Variants in FRMPD1 observed in about 807,000 individuals in gnomAD.
FRMPD1 encodes the protein FERM and PDZ domain containing 1, also known as FERM and PDZ domain-containing protein 1.
A neutral mutation model predicts 117.8 loss-of-function variants in FRMPD1; 76 were observed. That is an observed-to-expected ratio of 0.65 (90% CI 0.54 to 0.78). FRMPD1 has a LOEUF of 0.78. FRMPD1 is among the 30% of genes least tolerant of loss of function. The probability of loss-of-function intolerance (pLI) is 0.00; values close to 1 mark genes in which losing one functional copy is unlikely to be tolerated. For missense variants in FRMPD1, 1,786 were observed against 1,964.5 expected (o/e 0.91, Z 1.72); for synonymous variants, 783 against 770.4 (o/e 1.02, Z -0.27).
intron 1 of FRMPD1, among the ~76,000 whole-genome samples, chr9:37,684,687 G>GT: frequency 6.6e-6 from 1 of 152,256 alleles, no homozygotes; most frequent in South Asian, 2.1e-4. Context: ...TGGGACCAAG[G>GT]TCAACAGAAT....
chr9:37,641,679 C>T, the FRMPD1 span, among the ~76,000 whole-genome samples: 1 of 152,296 alleles, frequency 6.6e-6, no homozygotes, highest in Non-Finnish European at 1.5e-5. Context: ...CCCTCCCTCT[C>T]CCTATCCTAC....
intron 5 of FRMPD1, among the ~76,000 whole-genome samples, chr9:37,717,051 C>T (rs960315667): frequency 1.3e-5 from 2 of 152,054 alleles, no homozygotes; most frequent in Admixed American, 1.3e-4. Flanking sequence ...TTTATGAATC[C>T]ACCTAATGGC....
At chr9:37,678,217 T>C (rs1454706982) in intron 1 of FRMPD1, among the ~76,000 whole-genome samples, 2 of 150,416 alleles carry the variant, frequency 1.3e-5, no homozygotes, top group Admixed American at 1.3e-4. Context: ...GCATCGATGC[T>C]GATTCTATCT....
rs559781373 is a variant in FRMPD1 at position 37,744,474 on chromosome 9, T to C, written c.2442T>C (p.Pro814=). The C allele has an allele frequency of 6.2e-7, 1 of 1,614,122 alleles. No homozygotes were observed. The highest frequency in any genetic ancestry group is 1.3e-5 in the African/African-American group (1 of 75,018). The change falls in exon 16 of 16, where the codon CCT becomes CCC. Residue 814 remains proline, a synonymous_variant. Coordinates refer to ENST00000377765, the MANE Select transcript of FRMPD1 (RefSeq NM_014907.3). ...CTTCTAGCCCTGAGAACAGCCTGCC[T>C]TGTGGGCCAGATGGAAGACAGCCAA... ...ASTSSPENSL[P]CGPDGRQPSR... is the part of the protein sequence containing the mutation.
intron 1 of FRMPD1, among the ~76,000 whole-genome samples, chr9:37,683,580 A>G (rs1228685256): frequency 6.6e-6 from 1 of 152,254 alleles, no homozygotes; most frequent in East Asian, 1.9e-4. Context: ...GCAAAGGAAC[A>G]GTATCTGCAG....
chr9:37,710,738 G>A (rs1230979862), intron 4 of FRMPD1, among the ~76,000 whole-genome samples: 1 of 151,994 alleles, frequency 6.6e-6, no homozygotes, highest in Non-Finnish European at 1.5e-5. Flanking sequence ...AGGCCGAGGT[G>A]GGCAGATCAC....
chr9:37,668,428 TCA>T (rs1321191299), intron 1 of FRMPD1: 1 of 152,286 alleles, frequency 6.6e-6, no homozygotes, highest in Admixed American at 6.5e-5. Context: ...CATTTGATAT[TCA>T]CATTCTTGTG....
chr9:37,675,124 C>T (rs1383603587), intron 1 of FRMPD1, among the ~76,000 whole-genome samples: 6 of 152,148 alleles, frequency 3.9e-5, no homozygotes, highest in East Asian at 3.9e-4. Context: ...CAATGATCCA[C>T]GTAAGGAAGA....
chr9:37,623,930 C>T, the FRMPD1 span, among the ~76,000 whole-genome samples: 1 of 152,116 alleles, frequency 6.6e-6, no homozygotes, highest in Non-Finnish European at 1.5e-5. Context: ...CTACGTTCCT[C>T]GGGGTATTAG....
chr9:37,645,587 G>T, the FRMPD1 span, among the ~76,000 whole-genome samples: 4 of 152,126 alleles, frequency 2.6e-5, no homozygotes, highest in Admixed American at 6.5e-5. Context: ...GGAGGGTGTT[G>T]GGAGACTGAT....
chr9:37,682,397 AT>A (rs1349562648), intron 1 of FRMPD1, among the ~76,000 whole-genome samples: 1 of 152,216 alleles, frequency 6.6e-6, no homozygotes, highest in Non-Finnish European at 1.5e-5. Flanking sequence ...ATCCAGGAAG[AT>A]GTTGGATTTT....
intron 1 of FRMPD1, among the ~76,000 whole-genome samples, chr9:37,659,646 A>G (rs1255933699): frequency 6.6e-6 from 1 of 152,154 alleles, no homozygotes; most frequent in Admixed American, 6.5e-5. Context: ...TTAGACTGAG[A>G]TTGGCTCACT....
In FRMPD1 at chr9:37,731,115, T is replaced by C. The variant is rs1466971332; in HGVS notation, c.858+12T>C. On this transcript the variant is annotated intron_variant, in intron 9 of 15. Transcript: ENST00000377765. The stretch of plus-strand genomic sequence containing the variant: ...ACCTCTATCTGCAGGTGACTGGGTC[T>C]GTGCTTCCTAAAATAACAGTGGTTG... 6.2e-7 allele frequency: 1 copy of C among 1,612,658 alleles called. No homozygotes were observed. Among genetic ancestry groups the C allele is most frequent in the Middle Eastern group, 1.7e-4 (1 of 6,024 alleles).
chr9:37,649,214 T>C (rs1820595199), upstream of FRMPD1, among the ~76,000 whole-genome samples: 1 of 152,256 alleles, frequency 6.6e-6, no homozygotes, highest in South Asian at 2.1e-4. Flanking sequence ...AGTAATTTGA[T>C]GATTAATCTT....
chr9:37,707,300 A>G (rs1016084666), intron 2 of FRMPD1, 116 bp from the exon 3 acceptor site: 6 of 728,556 alleles, frequency 8.2e-6, no homozygotes, highest in Non-Finnish European at 1.3e-5. Flanking sequence ...TCTCAAGAGG[A>G]GAATTGGTGT....
intron 8 of FRMPD1, 107 bp downstream of exon 8, chr9:37,729,960 A>G: frequency 8.4e-7 from 1 of 1,192,340 alleles, no homozygotes; most frequent in South Asian, 1.5e-5. Flanking sequence ...GGTTTGATGC[A>G]CTTTCTCTTG....
the FRMPD1 span, among the ~76,000 whole-genome samples, chr9:37,614,375 C>A: frequency 6.6e-6 from 1 of 152,132 alleles, no homozygotes; most frequent in Admixed American, 6.5e-5. Flanking sequence ...ATGAGACAGG[C>A]AGGATGAAGA....
chr9:37,733,985 C>T (rs1383067693), intron 12 of FRMPD1, among the ~76,000 whole-genome samples, 160 bp downstream of exon 12: 4 of 152,128 alleles, frequency 2.6e-5, no homozygotes, highest in Admixed American at 1.3e-4. Context: ...ATTTACCACG[C>T]GTTTGCTTGG....
the FRMPD1 span, among the ~76,000 whole-genome samples, chr9:37,609,673 T>C: frequency 1.5e-4 from 23 of 152,326 alleles, no homozygotes; most frequent in African/African-American, 5.3e-4. Context: ...GCTAAAGTGC[T>C]CTTGTTAAAA....
Sources: allele counts gnomAD v4.1 joint callset (sites outside exome capture counted in the v4.1 genomes callset), GRCh38; gene constraint gnomAD v4.1.1; transcripts MANE v1.5; gene names NCBI Gene and HGNC (gene_info 2026-07-23, HGNC 2026-07-21).